Variants in ZDHHC2 observed in about 807,000 individuals in gnomAD.
ZDHHC2 encodes zDHHC palmitoyltransferase 2.
A neutral mutation model predicts 55.6 loss-of-function variants in ZDHHC2; 51 were observed. That is an observed-to-expected ratio of 0.92 (90% confidence interval 0.73 to 1.16). The LOEUF (loss-of-function observed/expected upper bound fraction) is 1.16. ZDHHC2 is among the 50% of genes most tolerant of loss of function. The probability of loss-of-function intolerance (pLI) is 0.00; values close to 1 mark genes in which losing one functional copy is unlikely to be tolerated. For missense variants in ZDHHC2, 491 were observed against 442.4 expected (o/e 1.11, Z -0.99); for synonymous variants, 199 against 152.9 (o/e 1.30, Z -2.22).
chr8:17,195,228 C>G (rs1806245912), intron 3 of ZDHHC2, among the ~76,000 whole-genome samples: 1 of 152,086 alleles, frequency 6.6e-6, no homozygotes, highest in Non-Finnish European at 1.5e-5. Flanking sequence ...GGTTTATAAG[C>G]ATTTTTATGT....
Position 17,187,336 on chromosome 8 carries a change from G to A in ZDHHC2, c.252+911G>A, listed in dbSNP as rs118087469. 5.1e-3 allele frequency among the ~76,000 whole-genome samples: 769 copies of A among 152,106 alleles called. 7 individuals are homozygous for A. The highest frequency in any genetic ancestry group is 6.9e-3 in the Non-Finnish European group (470 of 68,006). On this transcript the variant is annotated intron_variant, in intron 3 of 12. Coordinates refer to ENST00000262096, the MANE Select transcript of ZDHHC2 (RefSeq NM_016353.5). The stretch of plus-strand genomic sequence containing the variant: ...TCTCACTCATTTTTGTATCCTTGGC[G>A]TATAGCCCAGTACATTGTTGAATAA...
rs543595215 is a variant in ZDHHC2 at position 17,218,371 on chromosome 8, C to G, written c.*34+1125C>G. On this transcript the variant is annotated intron_variant, in intron 12 of 12. Transcript: ENST00000262096. Reference sequence around the variant, plus strand: ...CAAATAAAATATACAGAACATAGTTCTGTAAGACATAGAATTTCACAGGAT... The same window carrying G: ...CAAATAAAATATACAGAACATAGTTGTGTAAGACATAGAATTTCACAGGAT... Among the ~76,000 whole-genome samples, 5 of 152,160 alleles carry G rather than the reference C, an allele frequency of 3.3e-5. No homozygotes were observed. In the East Asian group the frequency reaches 9.7e-4, roughly 29 times the overall value.
At chr8:17,172,172 A>C (rs1804887049) in intron 1 of ZDHHC2, among the ~76,000 whole-genome samples, 1 of 152,084 alleles carries the variant, frequency 6.6e-6, no homozygotes, top group African/African-American at 2.4e-5. Flanking sequence ...TTTTTTGCCT[A>C]CTTTACTTCT....
At chr8:17,218,380 A>G (rs1807748906) in intron 12 of ZDHHC2, among the ~76,000 whole-genome samples, 1 of 152,224 alleles carries the variant, frequency 6.6e-6, no homozygotes, top group South Asian at 2.1e-4. Context: ...TCTGTAAGAC[A>G]TAGAATTTCA....
intron 1 of ZDHHC2, among the ~76,000 whole-genome samples, chr8:17,162,303 T>G (rs1291645370): frequency 6.6e-6 from 1 of 152,210 alleles, no homozygotes; most frequent in Non-Finnish European, 1.5e-5. Flanking sequence ...TAGTTTCTAC[T>G]TAGTCTTATT....
intron 3 of ZDHHC2, among the ~76,000 whole-genome samples, chr8:17,188,812 T>C (rs2150911707): frequency 6.6e-6 from 1 of 152,328 alleles, no homozygotes; most frequent in Non-Finnish European, 1.5e-5. Context: ...AACAAACTTC[T>C]GATTTCTCAT....
intron 1 of ZDHHC2, among the ~76,000 whole-genome samples, chr8:17,174,037 G>A (rs1407585829): frequency 6.6e-6 from 1 of 151,746 alleles, no homozygotes; most frequent in Non-Finnish European, 1.5e-5. Context: ...AGAGACCTAG[G>A]AAGAGACCAA....
chr8:17,182,785 AG>A (rs1805500653), intron 1 of ZDHHC2, among the ~76,000 whole-genome samples: 1 of 152,148 alleles, frequency 6.6e-6, no homozygotes, highest in Non-Finnish European at 1.5e-5. Flanking sequence ...TTTTTGAGAC[AG>A]AGTCTCACTC....
chr8:17,207,790 G>T (rs1807177056), intron 7 of ZDHHC2, among the ~76,000 whole-genome samples, 170 bp from the exon 8 acceptor site: 1 of 151,230 alleles, frequency 6.6e-6, no homozygotes. Flanking sequence ...CTTTTAACCT[G>T]ATGAAATATA....
At chr8:17,176,058 A>T (rs561040150) in intron 1 of ZDHHC2, among the ~76,000 whole-genome samples, 1 of 152,262 alleles carries the variant, frequency 6.6e-6, no homozygotes, top group Admixed American at 6.5e-5. Flanking sequence ...AAGTGAGGAG[A>T]TTGGACTTTA....
intron 3 of ZDHHC2, among the ~76,000 whole-genome samples, chr8:17,189,061 A>G (rs944270187): frequency 2.2e-5 from 3 of 137,740 alleles, no homozygotes; most frequent in Non-Finnish European, 3.1e-5. Flanking sequence ...TCTCTCATTT[A>G]TAGATTTGCA....
At chr8:17,199,553 G>GTCT in intron 6 of ZDHHC2, among the ~76,000 whole-genome samples, 4 of 86,766 alleles carry the variant, frequency 4.6e-5, no homozygotes, top group Non-Finnish European at 8.4e-5. Flanking sequence ...TTCTGTCTTC[G>GTCT]TCTTCGTCTT....
At chr8:17,195,669 T>G (rs1307950299) in intron 4 of ZDHHC2, 45 bp downstream of exon 4, 3 of 1,608,060 alleles carry the variant, frequency 1.9e-6, no homozygotes. Flanking sequence ...GCAAATAACA[T>G]CATTAAGGTG....
At chr8:17,175,469 G>C (rs1355986954) in intron 1 of ZDHHC2, among the ~76,000 whole-genome samples, 1 of 152,094 alleles carries the variant, frequency 6.6e-6, no homozygotes, top group Non-Finnish European at 1.5e-5. Flanking sequence ...TATTCACTAT[G>C]CACTTCTTCC....
chr8:17,188,846 C>T (rs932909391), intron 3 of ZDHHC2, among the ~76,000 whole-genome samples: 1 of 152,132 alleles, frequency 6.6e-6, no homozygotes, highest in Non-Finnish European at 1.5e-5. Flanking sequence ...TCTTCTAGTC[C>T]TAAAGTTTTC....
Position 17,159,745 on chromosome 8 carries a change from G to A in ZDHHC2, c.130+2892G>A, listed in dbSNP as rs540239155. ...TTTGGTTAAGTCAGCTTCCTATTCT[G>A]CCAAAGAAAAGATCACAAAAGACAG... is the stretch of plus-strand genomic sequence containing the variant. On this transcript the variant is annotated intron_variant, in intron 1 of 12. Transcript: ENST00000262096. 1.8e-4 allele frequency among the ~76,000 whole-genome samples: 28 copies of A among 152,198 alleles called. No homozygotes were observed. The South Asian group carries it at 5.6e-3, about 30-fold the overall frequency.
intron 1 of ZDHHC2, among the ~76,000 whole-genome samples, chr8:17,171,293 G>C (rs192299618): frequency 6.6e-6 from 1 of 152,280 alleles, no homozygotes; most frequent in East Asian, 1.9e-4. Flanking sequence ...CTGGCACTAG[G>C]AGCCTCTTCT....
At chr8:17,166,532 C>A (rs928156330) in intron 1 of ZDHHC2, among the ~76,000 whole-genome samples, 2 of 152,026 alleles carry the variant, frequency 1.3e-5, no homozygotes, top group East Asian at 1.9e-4. Flanking sequence ...GGAATAAATT[C>A]GGGAGTCTTC....
chr8:17,156,734 C>T lies in ZDHHC2; in HGVS notation c.11C>T (p.Ser4Leu), dbSNP rs1415446667. Reference sequence around the variant, plus strand: ...GGATGCGGCTGGAAGATGGCGCCCTCGGGCCCGGGCAGCAGCGCCAGGCGG... The same window carrying T: ...GGATGCGGCTGGAAGATGGCGCCCTTGGGCCCGGGCAGCAGCGCCAGGCGG... MAP[S>L]GPGSSARRRC... Residue 4 changes from serine (S) to leucine (L), a missense_variant, in exon 1 of 13, where the codon TCG becomes TTG. Physicochemically the swap from Ser to Leu is moderately radical, Grantham distance 145. Coordinates refer to ENST00000262096, the MANE Select transcript of ZDHHC2 (RefSeq NM_016353.5). The T allele has an allele frequency of 3.4e-6, 5 of 1,479,286 alleles. No homozygotes were observed. The African/African-American group carries it at 5.9e-5, about 17-fold the overall frequency. 91.6% of individuals were successfully genotyped at this position (1,479,286 alleles called of 1,614,324 possible). A position where few individuals can be genotyped will look rare whatever the true frequency, so the allele number is the denominator to read the frequency against.
Sources: gnomAD v4.1 joint callset for allele counts (sites outside exome capture counted in the v4.1 genomes callset) on GRCh38, gnomAD v4.1.1 for gene constraint, MANE v1.5 for transcripts, NCBI Gene and HGNC (gene_info 2026-07-23, HGNC 2026-07-21) for gene names.